The following MICAL3 variants were observed in gnomAD, a reference collection of about 807,000 sequenced individuals.
MICAL3 encodes [F-actin]-monooxygenase MICAL3.
A neutral mutation model predicts 207.4 loss-of-function variants in MICAL3; 62 were observed. The ratio of observed to expected loss-of-function variants is 0.30; its 90% CI spans 0.24 to 0.37. The LOEUF is 0.37. Ranked by LOEUF, MICAL3 falls within the 10% of genes least tolerant of loss-of-function variation. MICAL3 has a pLI of 1.00. For synonymous variants in MICAL3, 1,077 were observed against 1,069.3 expected (o/e 1.01, Z -0.14); for missense variants, 2,368 against 2,635.6 (o/e 0.90, Z 2.22).
chr22:17,959,160 C>T (rs1183299904), intron 1 of MICAL3, among the ~76,000 whole-genome samples: 2 of 151,266 alleles, frequency 1.3e-5, no homozygotes, highest in African/African-American at 2.4e-5. Flanking sequence ...AGACTGCAGG[C>T]GCCCACCACC....
chr22:17,893,965 C>T (rs1930604006), intron 10 of MICAL3, 61 bp from the exon 11 acceptor site: 5 of 1,265,206 alleles, frequency 4.0e-6, no homozygotes, highest in Admixed American at 4.0e-5. Context: ...CAAATTCCTA[C>T]CTAAGAGCAG....
At chr22:17,800,735 C>T (rs570878970) in intron 29 of MICAL3, among the ~76,000 whole-genome samples, 19 of 152,122 alleles carry the variant, frequency 1.2e-4, no homozygotes, top group South Asian at 4.1e-4. Context: ...AATGGGGCTT[C>T]GGGGTGGCCT....
At position 17,899,432 on chromosome 22, in the gene MICAL3, G is replaced by A; in HGVS notation, c.948+16C>T. Reference sequence around the variant, plus strand: ...ACTTCAATAAGAAAGAGTTTTGAAGGAAATCCGTGGCTCACATGTAGTATC... The same window carrying A: ...ACTTCAATAAGAAAGAGTTTTGAAGAAAATCCGTGGCTCACATGTAGTATC... On this transcript the variant is annotated intron_variant, in intron 7 of 31. Transcript: ENST00000441493. 1 of 1,531,544 alleles carries A rather than the reference G, an allele frequency of 6.5e-7. No homozygotes were observed. The highest frequency in any genetic ancestry group is 9.0e-7 in the Non-Finnish European group (1 of 1,111,772). The allele number at this position is 1,531,544 out of a possible 1,614,324, so 94.9% of individuals were successfully genotyped here.
chr22:17,808,730 A>G (rs2062013020), intron 29 of MICAL3, 114 bp downstream of exon 29: 2 of 847,598 alleles, frequency 2.4e-6, no homozygotes, highest in African/African-American at 1.7e-5. Context: ...GGGCCCCAGA[A>G]AATCCTGCTG....
At chr22:17,805,445 A>T (rs948973989) in intron 29 of MICAL3, among the ~76,000 whole-genome samples, 1 of 152,288 alleles carries the variant, frequency 6.6e-6, no homozygotes, top group Non-Finnish European at 1.5e-5. Context: ...GGTAGGAACC[A>T]TAATTCCTGA....
At chr22:17,905,846 G>A (rs576135476) in intron 2 of MICAL3, among the ~76,000 whole-genome samples, 1 of 152,282 alleles carries the variant, frequency 6.6e-6, no homozygotes, top group Non-Finnish European at 1.5e-5. Context: ...CTGCTTCGTG[G>A]AAACCCCATT....
chr22:17,884,296 G>T, intron 16 of MICAL3: 1 of 1,590,880 alleles, frequency 6.3e-7, no homozygotes, highest in Non-Finnish European at 8.5e-7. Context: ...GGGGGGTGGG[G>T]GCAGGGCGAA....
chr22:17,864,795 G>C (rs758066088), intron 19 of MICAL3, 104 bp downstream of exon 19: 2 of 1,613,822 alleles, frequency 1.2e-6, no homozygotes, highest in Non-Finnish European at 8.5e-7. Context: ...CTTGTTGCCC[G>C]AATGAAGAAA....
rs537709864 is a variant in MICAL3 at position 17,795,341 on chromosome 22, T to G, written c.5651-4040A>C. ...GGATGAATCCCATCAAATACGTCAGTGAACAGTCCCTGCCACCTCCTGGGA... is the reference window on the plus strand; with the variant it reads ...GGATGAATCCCATCAAATACGTCAGGGAACAGTCCCTGCCACCTCCTGGGA... On this transcript the variant is annotated intron_variant, in intron 29 of 31. Coordinates refer to ENST00000441493, the MANE Select transcript of MICAL3 (RefSeq NM_015241.3). Among the ~76,000 whole-genome samples, 3 of 152,330 alleles carry G rather than the reference T, an allele frequency of 2.0e-5. No individual in the cohort carries two copies. The South Asian group carries it at 6.2e-4, about 32-fold the overall frequency.
At chr22:17,802,320 C>A (rs541821636) in intron 29 of MICAL3, among the ~76,000 whole-genome samples, 1 of 152,292 alleles carries the variant, frequency 6.6e-6, no homozygotes, top group South Asian at 2.1e-4. Flanking sequence ...CTGCCTTGGC[C>A]TCCCAAATTG....
At chr22:17,821,004 T>C (rs909798656) in intron 25 of MICAL3, among the ~76,000 whole-genome samples, 7 of 137,036 alleles carry the variant, frequency 5.1e-5, no homozygotes, top group African/African-American at 1.0e-4. Context: ...AAATTTATAT[T>C]TATAAACAAT....
intron 1 of MICAL3, among the ~76,000 whole-genome samples, chr22:17,916,667 GC>G (rs904230232): frequency 1.1e-4 from 17 of 151,924 alleles, no homozygotes; most frequent in African/African-American, 3.9e-4. Flanking sequence ...ACTACCGTCT[GC>G]CCCCCCACAA....
rs1180606248 is a variant in MICAL3, at chr22:17,801,286, G to A, written c.5650+7558C>T. ...TCCTGCCTCAGCCTCCCAAGTAGCC[G>A]GGACTACAGGCGCCCGCCACTACGC... On this transcript the variant is annotated intron_variant, in intron 29 of 31. Coordinates refer to ENST00000441493, the MANE Select transcript of MICAL3 (RefSeq NM_015241.3). Among the ~76,000 whole-genome samples the A allele has an allele frequency of 9.7e-5, 10 of 102,854 alleles. 1 individual carries two copies. The highest frequency in any genetic ancestry group is 1.3e-4 in the African/African-American group (2 of 15,906). The allele number at this position is 102,854 out of a possible 152,430, so 67.5% of individuals were successfully genotyped here.
intron 19 of MICAL3, among the ~76,000 whole-genome samples, chr22:17,849,643 AATGTGTGTGTGT>A (rs1423411806): frequency 7.0e-4 from 84 of 120,232 alleles, no homozygotes; most frequent in African/African-American, 2.5e-3. Flanking sequence ...CCCAGAATGG[AATGTGTGTGTGT>A]GTGTGTGTGT....
chr22:17,820,986 A>C (rs1235410132), intron 25 of MICAL3, among the ~76,000 whole-genome samples: 1 of 142,300 alleles, frequency 7.0e-6, no homozygotes, highest in African/African-American at 2.5e-5. Flanking sequence ...ATAAACATAA[A>C]TTTTAATAAA....
At chr22:17,903,775 G>A (rs1931510840) in intron 3 of MICAL3, among the ~76,000 whole-genome samples, 1 of 152,228 alleles carries the variant, frequency 6.6e-6, no homozygotes, top group African/African-American at 2.4e-5. Context: ...GCCAGCGTCT[G>A]ATAAATTGGC....
At chr22:17,897,568 AG>A (rs1301532671) in intron 7 of MICAL3, among the ~76,000 whole-genome samples, 1 of 152,092 alleles carries the variant, frequency 6.6e-6, no homozygotes, top group Non-Finnish European at 1.5e-5. Flanking sequence ...AATCTGCCTC[AG>A]GGTTGTTCTG....
intron 1 of MICAL3, among the ~76,000 whole-genome samples, chr22:17,998,562 TA>T (rs61372012): frequency 0.22 from 31,271 of 143,128 alleles, 3,895 homozygotes; most frequent in East Asian, 0.51. Flanking sequence ...TTATTATTAT[TA>T]TTTTTTTTTT....
At chr22:17,898,009 A>G (rs1161947639) in intron 7 of MICAL3, among the ~76,000 whole-genome samples, 1 of 151,748 alleles carries the variant, frequency 6.6e-6, no homozygotes, top group Non-Finnish European at 1.5e-5. Context: ...AAACACAAAC[A>G]CTCAGGTTGG....
Sources: allele counts gnomAD v4.1 joint callset (sites outside exome capture counted in the v4.1 genomes callset), GRCh38; gene constraint gnomAD v4.1.1; transcripts MANE v1.5; gene names NCBI Gene and HGNC (gene_info 2026-07-23, HGNC 2026-07-21).